Variants in ZFR2 observed in about 807,000 individuals in gnomAD.
The protein encoded by ZFR2 is zinc finger RNA binding protein 2, also known as zinc finger RNA-binding protein 2.
In ZFR2, 104 loss-of-function variants were observed where a neutral mutation model predicts 105.7. The observed-to-expected ratio is 0.98, with a 90% CI of 0.84 to 1.16. The LOEUF is 1.16. Among genes scored for constraint, ZFR2 ranks in the 50% most tolerant of loss-of-function variants. The probability of loss-of-function intolerance (pLI) is 0.00; values close to 1 mark genes in which losing one functional copy is unlikely to be tolerated. For synonymous variants in ZFR2, 634 were observed against 597.7 expected (o/e 1.06, Z -0.89); for missense variants, 1,425 against 1,355.5 (o/e 1.05, Z -0.80).
chr19:3,868,975 G>GGCCGCCGCCCTGCGC lies in ZFR2; in HGVS notation c.28_42dup (p.Ala10_Gly14dup). Reference sequence around the variant, plus strand: ...CGGCGGGGCAGTTACCTGTACTGCGGGCCGCCGCCCTGCGCGAAGTCGAAA... The same window carrying GGCCGCCGCCCTGCGC: ...CGGCGGGGCAGTTACCTGTACTGCGGGCCGCCGCCCTGCGCGCCGCCGCCCTGCGCGAAGTCGAAA... On this transcript the variant is annotated inframe_insertion, in exon 1 of 19. Coordinates refer to ENST00000262961, the MANE Select transcript of ZFR2 (RefSeq NM_015174.2). 2.2e-6 allele frequency: 3 copies of GGCCGCCGCCCTGCGC among 1,359,126 alleles called. No individual in the cohort carries two copies. The highest frequency in any genetic ancestry group is 1.9e-6 in the Non-Finnish European group (2 of 1,045,844). The allele number at this position is 1,359,126 out of a possible 1,614,324, so 84.2% of individuals were successfully genotyped here. A position where few individuals can be genotyped will look rare whatever the true frequency, so the allele number is the denominator to read the frequency against.
chr19:3,854,347 C>G (rs1262614252), intron 1 of ZFR2, among the ~76,000 whole-genome samples: 1 of 151,864 alleles, frequency 6.6e-6, no homozygotes, highest in Non-Finnish European at 1.5e-5. Flanking sequence ...GAGTTGAGAT[C>G]GCACCACTGC....
chr19:3,808,116 CAT>C (rs139001662), intron 17 of ZFR2, among the ~76,000 whole-genome samples: 19,702 of 142,536 alleles, frequency 0.14, 1,551 homozygotes, highest in Admixed American at 0.29. Flanking sequence ...TGCTCATATC[CAT>C]ATGTGTGCCC....
intron 1 of ZFR2, among the ~76,000 whole-genome samples, chr19:3,857,649 T>C (rs948550713): frequency 2.7e-5 from 4 of 147,760 alleles, no homozygotes; most frequent in African/African-American, 1.0e-4. Flanking sequence ...TGAGCCGAGA[T>C]TGCGCCACTG....
chr19:3,811,333 A>T lies in ZFR2; in HGVS notation c.2276T>A (p.Val759Asp). 6.2e-7 allele frequency: 1 copy of T among 1,604,668 alleles called. No homozygotes were observed. Among genetic ancestry groups the T allele is most frequent in the Middle Eastern group, 1.7e-4 (1 of 6,012 alleles). ...CTCGAGGCACTTCTTGGGGCTCAGG[A>T]CATCACCTGCATCAGCCTGAGGCTC... ...VEEPQADAGD[V>D]LSPKKCLESL... The change falls in exon 15 of 19, where the codon GTC (valine) becomes GAC (aspartate). Residue 759 changes from valine (V) to aspartate (D), a missense_variant. By Grantham distance (152) the Val-to-Asp change is radical. Coordinates refer to ENST00000262961, the MANE Select transcript of ZFR2 (RefSeq NM_015174.2).
chr19:3,864,337 C>T (rs575386965), intron 1 of ZFR2, among the ~76,000 whole-genome samples: 4 of 152,186 alleles, frequency 2.6e-5, no homozygotes, highest in South Asian at 2.1e-4. Context: ...AAGACTGCTA[C>T]GGCACTCCAG....
chr19:3,823,452 T>C lies in ZFR2; in HGVS notation c.1214-49A>G, dbSNP rs1324330623. On this transcript the variant is annotated intron_variant, in intron 7 of 18. Coordinates refer to ENST00000262961, the MANE Select transcript of ZFR2 (RefSeq NM_015174.2). The surrounding 1 kb of genome is among the most constrained non-coding windows in gnomAD (Gnocchi z 5.4). Reference sequence around the variant, plus strand: ...TATACCCTGTTCCAGGAGAAAGCACTGCAGCTGCAGACCCGCCAGGCGGCA... The same window carrying C: ...TATACCCTGTTCCAGGAGAAAGCACCGCAGCTGCAGACCCGCCAGGCGGCA... 6.6e-7 allele frequency: 1 copy of C among 1,526,402 alleles called. No individual in the cohort carries two copies. The highest frequency in any genetic ancestry group is 1.4e-5 in the African/African-American group (1 of 72,586). 94.6% of individuals were successfully genotyped at this position (1,526,402 alleles called of 1,614,324 possible).
chr19:3,860,218 A>G (rs2038357209), intron 1 of ZFR2, among the ~76,000 whole-genome samples: 2 of 131,356 alleles, frequency 1.5e-5, no homozygotes, highest in Admixed American at 7.7e-5. Context: ...TTTTTTTTTC[A>G]GAGATGGGGG....
At position 3,809,078 on chromosome 19, in the gene ZFR2, C is replaced by G. The variant is rs967374846; in HGVS notation, c.2434-95G>C. On this transcript the variant is annotated intron_variant, in intron 16 of 18. Transcript: ENST00000262961. ...GGGGTCCCTGGGACAGGAGGCCCCC[C>G]TCAGCTCTTTCTCTAACTCCCACCA... The G allele has an allele frequency of 6.4e-6, 6 of 937,276 alleles. No homozygotes were observed. The African/African-American group carries it at 8.6e-5, about 13-fold the overall frequency. 58.1% of individuals were successfully genotyped at this position (937,276 alleles called of 1,614,324 possible).
At position 3,823,447 on chromosome 19, in the gene ZFR2, A is replaced by C. The variant is rs992071720; in HGVS notation, c.1214-44T>G. On this transcript the variant is annotated intron_variant, in intron 7 of 18. Coordinates refer to ENST00000262961, the MANE Select transcript of ZFR2 (RefSeq NM_015174.2). This position sits in a 1 kb window ranked among gnomAD's most constrained non-coding sequence, Gnocchi z 5.4. ...TCACTTATACCCTGTTCCAGGAGAA[A>C]GCACTGCAGCTGCAGACCCGCCAGG... The C allele has an allele frequency of 1.8e-5, 27 of 1,534,648 alleles. No homozygotes were observed. In the Admixed American group the frequency reaches 2.0e-4, roughly 11 times the overall value.
chr19:3,864,729 T>C (rs1267861838), intron 1 of ZFR2, among the ~76,000 whole-genome samples: 1 of 151,986 alleles, frequency 6.6e-6, no homozygotes, highest in Non-Finnish European at 1.5e-5. Flanking sequence ...TTCTTTTCTC[T>C]CTTCTCTTCT....
intron 1 of ZFR2, among the ~76,000 whole-genome samples, chr19:3,850,603 C>A (rs1031217972): frequency 7.9e-5 from 12 of 151,720 alleles, no homozygotes; most frequent in African/African-American, 2.9e-4. Flanking sequence ...AGGAAGAGGC[C>A]GGGCACAGTG....
At chr19:3,852,221 A>T in intron 1 of ZFR2, 1 of 484,030 alleles carries the variant, frequency 2.1e-6, no homozygotes, top group South Asian at 2.3e-5. Context: ...CAATCCTGGC[A>T]GAGGTGGGGC....
chr19:3,859,797 C>G (rs977670636), intron 1 of ZFR2, among the ~76,000 whole-genome samples: 2 of 152,232 alleles, frequency 1.3e-5, no homozygotes, highest in Non-Finnish European at 2.9e-5. Context: ...CCCAGAATTT[C>G]ATTTTGTGGC....
At chr19:3,806,289 G>A (rs1599214925) in intron 18 of ZFR2, among the ~76,000 whole-genome samples, 164 bp from the exon 19 acceptor site, 2 of 151,752 alleles carry the variant, frequency 1.3e-5, no homozygotes, top group Admixed American at 6.6e-5. Flanking sequence ...TTGAGACACA[G>A]TCTCGCTCTG....
At chr19:3,857,860 C>G (rs1342898692) in intron 1 of ZFR2, among the ~76,000 whole-genome samples, 3 of 152,140 alleles carry the variant, frequency 2.0e-5, no homozygotes, top group Non-Finnish European at 4.4e-5. Context: ...TCCATGACAA[C>G]AAGCACGCGC....
At chr19:3,864,658 C>A (rs568634291) in intron 1 of ZFR2, among the ~76,000 whole-genome samples, 11 of 152,320 alleles carry the variant, frequency 7.2e-5, no homozygotes, top group Admixed American at 7.2e-4. Flanking sequence ...CATGTACAGA[C>A]CCTGTTGGAG....
chr19:3,820,060 G>A (rs1568420298), intron 11 of ZFR2, 122 bp downstream of exon 11: 1 of 960,220 alleles, frequency 1.0e-6, no homozygotes, highest in South Asian at 1.5e-5. Context: ...CTGGGCCATG[G>A]AGCCCCATCC....
chr19:3,819,826 C>T (rs1312885335), intron 11 of ZFR2, among the ~76,000 whole-genome samples: 1 of 138,228 alleles, frequency 7.2e-6, no homozygotes, highest in African/African-American at 2.7e-5. Flanking sequence ...ACACTCCAGC[C>T]TGGGCGACAG....
intron 8 of ZFR2, among the ~76,000 whole-genome samples, chr19:3,822,931 G>A (rs968221566): frequency 6.6e-6 from 1 of 152,176 alleles, no homozygotes; most frequent in South Asian, 2.1e-4. Context: ...CCAACCTCCC[G>A]GGGAGCTTTC....
Sources: allele counts gnomAD v4.1 joint callset (sites outside exome capture counted in the v4.1 genomes callset), GRCh38; gene constraint gnomAD v4.1.1; non-coding constraint Gnocchi (gnomAD v3.1); transcripts MANE v1.5; gene names NCBI Gene and HGNC (gene_info 2026-07-23, HGNC 2026-07-21).